Variants in RPS6KB1 observed in about 807,000 individuals in gnomAD.
The protein encoded by RPS6KB1 is ribosomal protein S6 kinase B1.
RPS6KB1 carries 12 observed loss-of-function variants against 70.2 expected under a neutral mutation model. The observed-to-expected ratio is 0.17, with a 90% CI of 0.11 to 0.28. The LOEUF is 0.28. RPS6KB1 is among the 10% of genes least tolerant of loss of function. The probability of loss-of-function intolerance (pLI) is 1.00; values close to 1 mark genes in which losing one functional copy is unlikely to be tolerated. For synonymous variants in RPS6KB1, 175 were observed against 211.2 expected, an observed-to-expected ratio of 0.83 and a Z score of 1.49; for missense variants, 270 against 646.6, an observed-to-expected ratio of 0.42 and a Z score of 6.32.
At chr17:59,904,115 C>T (rs2042121466) in intron 1 of RPS6KB1, among the ~76,000 whole-genome samples, 1 of 151,210 alleles carries the variant, frequency 6.6e-6, no homozygotes, top group Non-Finnish European at 1.5e-5. Context: ...GAGTCTTGTT[C>T]TGTTGCCCAG....
intron 12 of RPS6KB1, among the ~76,000 whole-genome samples, chr17:59,938,856 T>C (rs1313447649): frequency 1.3e-5 from 2 of 152,026 alleles, no homozygotes; most frequent in Non-Finnish European, 2.9e-5. Flanking sequence ...GAGGGAATGC[T>C]ATAGGTACCT....
intron 1 of RPS6KB1, among the ~76,000 whole-genome samples, chr17:59,904,192 T>C (rs2042126725): frequency 1.3e-5 from 2 of 151,714 alleles, no homozygotes; most frequent in African/African-American, 4.8e-5. Flanking sequence ...GTGATTCTCC[T>C]GCCTCAGCCT....
intron 13 of RPS6KB1, among the ~76,000 whole-genome samples, chr17:59,943,084 C>A (rs574742781): frequency 3.9e-5 from 6 of 152,028 alleles, no homozygotes; most frequent in African/African-American, 1.4e-4. Context: ...TAGTAATAAT[C>A]CTATAAATTA....
chr17:59,914,589 C>G lies in RPS6KB1; in HGVS notation c.313-46C>G, dbSNP rs759930740. 4.3e-6 allele frequency: 6 copies of G among 1,387,066 alleles called. No homozygotes were observed. In the South Asian group the frequency reaches 7.0e-5, roughly 16 times the overall value. 85.9% of individuals were successfully genotyped at this position (1,387,066 alleles called of 1,614,324 possible). A position where few individuals can be genotyped will look rare whatever the true frequency, so the allele number is the denominator to read the frequency against. On this transcript the variant is annotated intron_variant, in intron 3 of 14. Coordinates refer to ENST00000225577, the MANE Select transcript of RPS6KB1 (RefSeq NM_003161.4). ...ATAACTAGGAATTAAGGGAGTATGC[C>G]TGACATAGTTTGCCTTTGAATAACA...
At chr17:59,901,435 C>T (rs1181130545) in intron 1 of RPS6KB1, among the ~76,000 whole-genome samples, 1 of 150,526 alleles carries the variant, frequency 6.6e-6, no homozygotes, top group Non-Finnish European at 1.5e-5. Flanking sequence ...AGGCGTGAGC[C>T]ACCGCGCCTG....
intron 4 of RPS6KB1, among the ~76,000 whole-genome samples, chr17:59,923,465 A>G (rs2043401243): frequency 6.6e-6 from 1 of 151,846 alleles, no homozygotes; most frequent in Non-Finnish European, 1.5e-5. Flanking sequence ...AGTGCTTCAT[A>G]TTGTTAGCCC....
chr17:59,924,327 TA>T (rs1176946316), intron 4 of RPS6KB1, among the ~76,000 whole-genome samples: 1 of 98,198 alleles, frequency 1.0e-5, no homozygotes, highest in Non-Finnish European at 1.9e-5. Flanking sequence ...AGACTCTGTC[TA>T]GAAAAAAAAA....
intron 1 of RPS6KB1, among the ~76,000 whole-genome samples, chr17:59,895,271 C>T (rs1164903519): frequency 1.3e-5 from 2 of 148,674 alleles, no homozygotes; most frequent in Admixed American, 6.8e-5. Context: ...CTGCCCGCCT[C>T]GGCCTCCCAA....
chr17:59,913,956 C>A (rs1308483815), intron 3 of RPS6KB1, among the ~76,000 whole-genome samples: 1 of 152,202 alleles, frequency 6.6e-6, no homozygotes, highest in Non-Finnish European at 1.5e-5. Context: ...CCGAGTTGGC[C>A]TCCCAAAGTG....
intron 1 of RPS6KB1, 122 bp from the exon 2 acceptor site, chr17:59,910,440 G>T: frequency 1.7e-6 from 1 of 604,448 alleles, no homozygotes; most frequent in Non-Finnish European, 2.8e-6. Flanking sequence ...TGTTGTTGAA[G>T]TATAAGAGAA....
At chr17:59,895,318 CTTTTTTTTT>C (rs71145587) in intron 1 of RPS6KB1, among the ~76,000 whole-genome samples, 19,596 of 106,208 alleles carry the variant, frequency 0.18, 1,972 homozygotes, top group African/African-American at 0.33. Flanking sequence ...CTGCGCCTGG[CTTTTTTTTT>C]TTTTTTTTTT....
intron 12 of RPS6KB1, 66 bp downstream of exon 12, chr17:59,936,607 G>A (rs1371455195): frequency 2.0e-5 from 26 of 1,270,434 alleles, no homozygotes; most frequent in Middle Eastern, 3.9e-4. Context: ...AAACTTTAAA[G>A]GGCCAAGGTG....
chr17:59,898,868 A>T (rs1014268272), intron 1 of RPS6KB1, among the ~76,000 whole-genome samples: 2 of 152,034 alleles, frequency 1.3e-5, no homozygotes, highest in Non-Finnish European at 2.9e-5. Flanking sequence ...CAGACATTGG[A>T]TAGGCCATAA....
intron 1 of RPS6KB1, among the ~76,000 whole-genome samples, chr17:59,905,021 G>A (rs1047212250): frequency 6.6e-6 from 1 of 151,884 alleles, no homozygotes; most frequent in Non-Finnish European, 1.5e-5. Context: ...CTTATTCTGT[G>A]GTTTTTATTT....
intron 1 of RPS6KB1, among the ~76,000 whole-genome samples, chr17:59,907,839 C>G (rs1317865170): frequency 6.6e-6 from 1 of 152,100 alleles, no homozygotes; most frequent in Non-Finnish European, 1.5e-5. Flanking sequence ...TTTTTCTAAG[C>G]TACTTCTTAG....
intron 1 of RPS6KB1, among the ~76,000 whole-genome samples, chr17:59,909,100 A>G (rs1344393817): frequency 7.2e-6 from 1 of 139,112 alleles, no homozygotes; most frequent in Non-Finnish European, 1.5e-5. Flanking sequence ...CTAATTTTGT[A>G]TTTTTTTAGT....
At position 59,936,531 on chromosome 17, in the gene RPS6KB1, A is replaced by G. The variant is rs1310819944; in HGVS notation, c.1109A>G (p.Lys370Arg). ...GCTCGAAAGGTGGAGCCCCCCTTTA[A>G]ACCTCTGTTGGTAAGTATACATGAA... ...LLARKVEPPF[K>R]PLLQSEEDVS... is the part of the protein sequence containing the mutation. The change falls in exon 12 of 15, where the codon AAA becomes AGA. Residue 370 changes from lysine (K) to arginine (R), a missense_variant. Around this residue, in one of 4 missense-constraint regions of RPS6KB1, gnomAD observed 133 missense variants for 314.7 expected, o/e 0.42. Coordinates refer to ENST00000225577, the MANE Select transcript of RPS6KB1 (RefSeq NM_003161.4). 1 of 1,613,084 alleles carries G rather than the reference A, an allele frequency of 6.2e-7. No individual in the cohort carries two copies. The highest frequency in any genetic ancestry group is 1.1e-5 in the South Asian group (1 of 91,056).
intron 1 of RPS6KB1, among the ~76,000 whole-genome samples, chr17:59,903,122 A>G (rs946643837): frequency 1.3e-5 from 2 of 152,000 alleles, no homozygotes; most frequent in African/African-American, 2.4e-5. Flanking sequence ...TCTGGCCAAG[A>G]TGCTGAAACC....
chr17:59,929,014 G>C (rs947157119), intron 5 of RPS6KB1, among the ~76,000 whole-genome samples: 4 of 152,074 alleles, frequency 2.6e-5, no homozygotes, highest in African/African-American at 7.2e-5. Flanking sequence ...TGTATAAGGT[G>C]GTGTCTGCTG....
Sources: allele counts gnomAD v4.1 joint callset (sites outside exome capture counted in the v4.1 genomes callset), GRCh38; gene constraint gnomAD v4.1.1; regional missense constraint gnomAD v4.1.1; transcripts MANE v1.5; gene names NCBI Gene and HGNC (gene_info 2026-07-23, HGNC 2026-07-21).